The following COL16A1 variants were observed in gnomAD, a reference collection of about 807,000 sequenced individuals.
COL16A1 encodes the protein collagen type XVI alpha 1 chain.
In COL16A1, 189 loss-of-function variants were observed where a neutral mutation model predicts 266.3. The ratio of observed to expected loss-of-function variants is 0.71; its 90% CI spans 0.63 to 0.80. The LOEUF (loss-of-function observed/expected upper bound fraction) is 0.80. COL16A1 is among the 30% of genes least tolerant of loss of function. The pLI, the probability that COL16A1 is intolerant of heterozygous loss-of-function variation, is 0.00. For synonymous variants in COL16A1, 740 were observed against 782.3 expected (o/e 0.95, Z 0.90); for missense variants, 1,928 against 2,122.4 (o/e 0.91, Z 1.80).
intron 39 of COL16A1, 133 bp from the exon 40 acceptor site, chr1:31,680,234 G>A (rs1643529726): frequency 7.5e-7 from 1 of 1,332,542 alleles, no homozygotes; most frequent in Admixed American, 2.6e-5. Flanking sequence ...CTTCTAATGT[G>A]CCCTTAGGCA....
intron 23 of COL16A1, chr1:31,689,499 C>A: frequency 1.7e-6 from 1 of 578,168 alleles, no homozygotes; most frequent in Non-Finnish European, 3.1e-6. Context: ...CCAAAAGGCA[C>A]CCTAGAGTCT....
Position 31,654,816 on chromosome 1 carries a change from G to T in COL16A1, c.4333C>A (p.Gln1445Lys). ...NYDEIKRFIR[Q>K]EIIKMFDERM... Reference sequence around the variant, plus strand: ...CCATCAAACATTTTAATGATCTCTTGTCTGATGAACCTCTTGATTTCATCA... The same window carrying T: ...CCATCAAACATTTTAATGATCTCTTTTCTGATGAACCTCTTGATTTCATCA... Residue 1445 changes from glutamine (Q) to lysine (K), a missense_variant, in exon 68 of 71, where the codon CAA (glutamine) becomes AAA (lysine). This residue lies in a region of COL16A1 where 376 missense variants were observed against 485.2 expected (regional missense o/e 0.77). Transcript: ENST00000373672. 6.2e-7 allele frequency: 1 copy of T among 1,613,974 alleles called. No individual in the cohort carries two copies. Among genetic ancestry groups the T allele is most frequent in the Non-Finnish European group, 8.5e-7 (1 of 1,180,018 alleles).
Position 31,664,051 on chromosome 1 carries a change from C to A in COL16A1, c.3555+1121G>T, listed in dbSNP as rs962537913. On this transcript the variant is annotated intron_variant, in intron 56 of 70. Coordinates refer to ENST00000373672, the MANE Select transcript of COL16A1 (RefSeq NM_001856.4). This position sits in a 1 kb window ranked among gnomAD's most constrained non-coding sequence, Gnocchi z 5.5. ...AGCAGAGCCCCAACCAATGTTGGCC[C>A]CCACTGGCAGTTGGGATGAAGAACC... Among the ~76,000 whole-genome samples, 3 of 152,128 alleles carry A rather than the reference C, an allele frequency of 2.0e-5. No individual in the cohort carries two copies. Among genetic ancestry groups the A allele is most frequent in the African/African-American group, 7.2e-5 (3 of 41,400 alleles).
At chr1:31,680,778 A>G in intron 39 of COL16A1, 127 bp downstream of exon 39, 2 of 1,558,988 alleles carry the variant, frequency 1.3e-6, no homozygotes, top group Non-Finnish European at 1.7e-6. Flanking sequence ...TCATGTGCAC[A>G]GGCTCCCCTG....
chr1:31,689,751 A>G lies in COL16A1; in HGVS notation c.1610T>C (p.Val537Ala). The G allele has an allele frequency of 1.2e-6, 2 of 1,613,906 alleles. No individual in the cohort carries two copies. Among genetic ancestry groups the G allele is most frequent in the Non-Finnish European group, 1.7e-6 (2 of 1,179,850 alleles). Residue 537 changes from valine to alanine, a missense_variant, in exon 23 of 71, where the codon GTA becomes GCA. Physicochemically the swap from Val to Ala is moderately conservative, Grantham distance 64. This residue lies in a region of COL16A1 where 1,552 missense variants were observed against 1,637.2 expected (regional missense o/e 0.95). Coordinates refer to ENST00000373672, the MANE Select transcript of COL16A1 (RefSeq NM_001856.4). ...ACCCTGGGCACTCACCCTGGCTGGT[A>G]CAGGATCACCAGGCTCCCCTTTGGG... The part of the protein sequence containing the change: ...PGPKGEPGDP[V>A]PARGDPGIQG...
intron 1 of COL16A1, among the ~76,000 whole-genome samples, chr1:31,703,233 G>A (rs572390655): frequency 1.3e-5 from 2 of 152,234 alleles, no homozygotes; most frequent in South Asian, 4.1e-4. Context: ...CTTCCTGTTG[G>A]GAAGTTCTAA....
At chr1:31,671,070 T>C (rs1642643593) in intron 48 of COL16A1, among the ~76,000 whole-genome samples, 1 of 152,234 alleles carries the variant, frequency 6.6e-6, no homozygotes, top group Non-Finnish European at 1.5e-5. Context: ...TCTTTCAATC[T>C]TTCCTAGTCA....
At chr1:31,675,089 G>A in intron 43 of COL16A1, 50 bp from the exon 44 acceptor site, 1 of 1,612,370 alleles carries the variant, frequency 6.2e-7, no homozygotes. Context: ...AAGGAACATG[G>A]AGACTTATGG....
At chr1:31,694,111 G>A in intron 12 of COL16A1, 33 bp downstream of exon 12, 1 of 1,592,284 alleles carries the variant, frequency 6.3e-7, no homozygotes, top group Non-Finnish European at 8.6e-7. Flanking sequence ...TGCTAAAGAG[G>A]ACGGGAATGT....
chr1:31,702,622 G>A (rs749490511), intron 1 of COL16A1, among the ~76,000 whole-genome samples: 4 of 152,184 alleles, frequency 2.6e-5, no homozygotes, highest in South Asian at 2.1e-4. Flanking sequence ...TTCAAGACAC[G>A]TGGAAGTATT....
Position 31,685,529 on chromosome 1 carries a change from C to A in COL16A1, c.2016+110G>T. On this transcript the variant is annotated intron_variant, in intron 29 of 70. Transcript: ENST00000373672. This position sits in a 1 kb window ranked among gnomAD's most constrained non-coding sequence, Gnocchi z 4.0. ...GGCTCTGACCCCGCCACACCCTCCC[C>A]ACTACCCCCAACTGCCCAGGGAGTC... 7.5e-7 allele frequency: 1 copy of A among 1,330,232 alleles called. No homozygotes were observed. The highest frequency in any genetic ancestry group is 1.0e-6 in the Non-Finnish European group (1 of 965,054). 82.4% of individuals were successfully genotyped at this position (1,330,232 alleles called of 1,614,324 possible).
chr1:31,671,700 C>A, intron 47 of COL16A1, 41 bp from the exon 48 acceptor site: 2 of 1,612,410 alleles, frequency 1.2e-6, no homozygotes, highest in East Asian at 4.5e-5. Context: ...GAGGCCCAGG[C>A]CCCATAGAGC....
Position 31,660,615 on chromosome 1 carries a change from G to A in COL16A1, c.3849C>T (p.Pro1283=). Residue 1283 remains proline (P), a synonymous_variant, in exon 62 of 71, where the codon CCC becomes CCT. Transcript: ENST00000373672. ...GTCCCGGGGGACCGGGTCTTCCCTG[G>A]GGTCCCATGGCACCAGGTTCACCCT... ...GAEGEPGAMG[P]QGRPGPPGHV... is the part of the protein sequence containing the mutation. 1 of 1,614,134 alleles carries A rather than the reference G, an allele frequency of 6.2e-7. No individual in the cohort carries two copies. Among genetic ancestry groups the A allele is most frequent in the South Asian group, 1.1e-5 (1 of 91,054 alleles).
intron 42 of COL16A1, among the ~76,000 whole-genome samples, chr1:31,676,808 T>C (rs1057269105): frequency 3.9e-5 from 6 of 152,222 alleles, no homozygotes; most frequent in African/African-American, 1.2e-4. Flanking sequence ...GTGCAGTAAG[T>C]ACGTGTTGAG....
At position 31,656,174 on chromosome 1, in the gene COL16A1, ATCAG is replaced by A. The variant is rs1641128388; in HGVS notation, c.4101+222_4101+225del. 1.5e-6 allele frequency: 1 copy of A among 662,294 alleles called. No individual in the cohort carries two copies. The highest frequency in any genetic ancestry group is 2.9e-5 in the East Asian group (1 of 34,442). 41.0% of individuals were successfully genotyped at this position (662,294 alleles called of 1,614,324 possible). ...GGAAATGGAAACAATGAATGAATCA[ATCAG>A]TCAATCAGTGAGTAAATGAACTGGA... On this transcript the variant is annotated intron_variant, in intron 66 of 70. Transcript: ENST00000373672. The surrounding 1 kb of genome is among the most constrained non-coding windows in gnomAD (Gnocchi z 4.2).
rs911698896 is a variant in COL16A1, at chr1:31,661,219, T to G, written c.3772-100A>C. 9 of 1,497,466 alleles carry G rather than the reference T, an allele frequency of 6.0e-6. No individual in the cohort carries two copies. The African/African-American group carries it at 1.2e-4, about 21-fold the overall frequency. 92.8% of individuals were successfully genotyped at this position (1,497,466 alleles called of 1,614,324 possible). A position where few individuals can be genotyped will look rare whatever the true frequency, so the allele number is the denominator to read the frequency against. ...GAGGGACCCTGCCACCTGCCCCAGC[T>G]TTGGCCAGAGGCCCTCTGATGCCCT... On this transcript the variant is annotated intron_variant, in intron 60 of 70. Coordinates refer to ENST00000373672, the MANE Select transcript of COL16A1 (RefSeq NM_001856.4).
chr1:31,698,695 C>T lies in COL16A1; in HGVS notation c.267-89G>A, dbSNP rs1397545330. ...AGCCCTCAGGACTGCTGAGCCTACC[C>T]AAGACATCCACAGGCACACATCTTC... On this transcript the variant is annotated intron_variant, in intron 4 of 70. Transcript: ENST00000373672. This position sits in a 1 kb window ranked among gnomAD's most constrained non-coding sequence, Gnocchi z 4.1. 1 of 1,552,248 alleles carries T rather than the reference C, an allele frequency of 6.4e-7. No individual in the cohort carries two copies. The highest frequency in any genetic ancestry group is 8.7e-7 in the Non-Finnish European group (1 of 1,153,558).
chr1:31,683,018 T>C lies in COL16A1; in HGVS notation c.2470-16A>G. On this transcript the variant is annotated splice_polypyrimidine_tract_variant and intron_variant, in intron 36 of 70. Transcript: ENST00000373672. ...CTGGAGATCCCTGTGTAAGAGAAGG[T>C]ACAAAGGTCTCAGGGGCAGAATTGG... 6.2e-7 allele frequency: 1 copy of C among 1,613,842 alleles called. No homozygotes were observed. The highest frequency in any genetic ancestry group is 1.7e-5 in the Admixed American group (1 of 60,014).
intron 36 of COL16A1, 62 bp downstream of exon 36, chr1:31,683,132 T>TG: frequency 1.9e-6 from 3 of 1,612,304 alleles, no homozygotes; most frequent in Non-Finnish European, 2.5e-6. Flanking sequence ...ATGTCCCCTG[T>TG]GCCTGCTTCT....
Sources: allele counts gnomAD v4.1 joint callset (sites outside exome capture counted in the v4.1 genomes callset), GRCh38; gene constraint gnomAD v4.1.1; regional missense constraint gnomAD v4.1.1; non-coding constraint Gnocchi (gnomAD v3.1); transcripts MANE v1.5; gene names NCBI Gene and HGNC (gene_info 2026-07-23, HGNC 2026-07-21).